Variants in ADAM10 observed in about 807,000 individuals in gnomAD.
ADAM10 encodes the protein disintegrin and metalloproteinase domain-containing protein 10.
In ADAM10, 17 loss-of-function variants were observed where a neutral mutation model predicts 90.1. The observed-to-expected ratio is 0.19, with a 90% confidence interval of 0.13 to 0.28. ADAM10 has a LOEUF of 0.28. Ranked by LOEUF, ADAM10 falls within the 10% of genes least tolerant of loss-of-function variation. The pLI, the probability that ADAM10 is intolerant of heterozygous loss-of-function variation, is 1.00. For synonymous variants in ADAM10, 310 were observed against 298.6 expected (o/e 1.04, Z -0.40); for missense variants, 610 against 914.3 (o/e 0.67, Z 4.29).
At chr15:58,715,996 T>G (rs1200121241) in intron 2 of ADAM10, among the ~76,000 whole-genome samples, 2 of 152,232 alleles carry the variant, frequency 1.3e-5, no homozygotes, top group Admixed American at 6.5e-5. Flanking sequence ...TGTAATTTCA[T>G]AGTACATAAA....
chr15:58,675,332 T>C (rs1566990276), intron 4 of ADAM10, among the ~76,000 whole-genome samples: 1 of 152,220 alleles, frequency 6.6e-6, no homozygotes. Flanking sequence ...GGAGATTAAG[T>C]ATTTCTCTAT....
intron 11 of ADAM10, among the ~76,000 whole-genome samples, chr15:58,617,500 C>T (rs1192587662): frequency 2.0e-5 from 3 of 152,040 alleles, no homozygotes; most frequent in South Asian, 2.1e-4. Flanking sequence ...AGAACTAGAA[C>T]AAGACAAGAA....
At chr15:58,641,161 G>A (rs1267043968) in intron 7 of ADAM10, among the ~76,000 whole-genome samples, 2 of 152,232 alleles carry the variant, frequency 1.3e-5, no homozygotes, top group East Asian at 3.9e-4. Context: ...AAATAAAAAA[G>A]AAAGGCTAGG....
At position 58,709,592 on chromosome 15, in the gene ADAM10, T is replaced by A. The variant is rs184394555; in HGVS notation, c.206+7985A>T. On this transcript the variant is annotated intron_variant, in intron 2 of 15. Coordinates refer to ENST00000260408, the MANE Select transcript of ADAM10 (RefSeq NM_001110.4). ...CCATCTCTACTAAAAATACAAAAAT[T>A]AGCCAGGTGTCGTGGTGCACACCTG... Among the ~76,000 whole-genome samples the A allele has an allele frequency of 5.1e-3, 772 of 151,890 alleles. 9 individuals are homozygous for A. Among genetic ancestry groups the A allele is most frequent in the African/African-American group, 0.015 (620 of 41,434 alleles).
intron 2 of ADAM10, among the ~76,000 whole-genome samples, chr15:58,710,764 C>A (rs1299079670): frequency 6.6e-6 from 1 of 152,124 alleles, no homozygotes; most frequent in Non-Finnish European, 1.5e-5. Context: ...AGTATTTTTA[C>A]ACCATTCAAA....
chr15:58,630,056 G>A (rs1896059760), intron 9 of ADAM10, among the ~76,000 whole-genome samples: 2 of 152,102 alleles, frequency 1.3e-5, no homozygotes, highest in African/African-American at 2.4e-5. Flanking sequence ...TTACAGGTGT[G>A]AGTCACCACA....
chr15:58,747,487 GTGC>G (rs1409974718), intron 1 of ADAM10: 4 of 152,152 alleles, frequency 2.6e-5, no homozygotes, highest in Non-Finnish European at 5.9e-5. Flanking sequence ...CAATCTCAAT[GTGC>G]TGAAGTCTAC....
intron 1 of ADAM10, among the ~76,000 whole-genome samples, chr15:58,727,955 C>G (rs1899094631): frequency 6.6e-6 from 1 of 152,032 alleles, no homozygotes; most frequent in South Asian, 2.1e-4. Context: ...GGAAATCATA[C>G]CACTCCTTTC....
Position 58,590,482 on chromosome 15 carries a change from G to A in ADAM10, c.*7065C>T, listed in dbSNP as rs1894802382. The A allele has an allele frequency of 6.6e-6, 1 of 152,214 alleles. No homozygotes were observed. The highest frequency in any genetic ancestry group is 1.5e-5 in the Non-Finnish European group (1 of 68,046). 9.4% of individuals were successfully genotyped at this position (152,214 alleles called of 1,614,324 possible). A position where few individuals can be genotyped will look rare whatever the true frequency, so the allele number is the denominator to read the frequency against. The stretch of plus-strand genomic sequence containing the variant: ...AACTGGTCAATGCATATCAGCAAAT[G>A]CATACCATAAAAGCCAAAGAATTTC... On this transcript the variant is annotated 3_prime_UTR_variant, in exon 16 of 16. Coordinates refer to ENST00000260408, the MANE Select transcript of ADAM10 (RefSeq NM_001110.4).
Position 58,627,778 on chromosome 15 carries a change from T to C in ADAM10, c.1282A>G (p.Asn428Asp). ...YARATSGDKL[N>D]NNKFSLCSIR... ...CTACAGAGTGAGAATTTATTGTTGT[T>C]AAGTTTGTCCCCAGATGTTGCTCTT... Residue 428 changes from asparagine (N) to aspartate (D), a missense_variant, in exon 10 of 16, where the codon AAC (asparagine) becomes GAC (aspartate). This residue lies in a region of ADAM10 where 97 missense variants were observed against 221.4 expected (regional missense o/e 0.44). Coordinates refer to ENST00000260408, the MANE Select transcript of ADAM10 (RefSeq NM_001110.4). The C allele has an allele frequency of 6.2e-7, 1 of 1,613,698 alleles. No individual in the cohort carries two copies. Among genetic ancestry groups the C allele is most frequent in the Non-Finnish European group, 8.5e-7 (1 of 1,179,718 alleles).
chr15:58,619,266 G>A (rs1895709259), intron 11 of ADAM10, among the ~76,000 whole-genome samples: 1 of 152,178 alleles, frequency 6.6e-6, no homozygotes. Flanking sequence ...ACTCATATGT[G>A]AGAGCAAAGT....
intron 2 of ADAM10, chr15:58,691,595 A>T (rs1295983267): frequency 6.3e-6 from 3 of 478,548 alleles, no homozygotes; most frequent in African/African-American, 5.9e-5. Context: ...ACGAGATTTT[A>T]GAGAATACCT....
chr15:58,688,541 A>T (rs1897673922), intron 2 of ADAM10, among the ~76,000 whole-genome samples: 2 of 151,906 alleles, frequency 1.3e-5, no homozygotes, highest in Admixed American at 1.3e-4. Flanking sequence ...AGTGAGAATG[A>T]ATGATAACGG....
At chr15:58,686,680 T>C in intron 2 of ADAM10, 1 of 691,798 alleles carries the variant, frequency 1.4e-6, no homozygotes. Flanking sequence ...ATGACTGCCT[T>C]CAAGTCTCAA....
At chr15:58,747,891 CAT>C (rs1248606236) in intron 1 of ADAM10, 5 of 152,138 alleles carry the variant, frequency 3.3e-5, no homozygotes, top group Non-Finnish European at 4.4e-5. Context: ...TAAAGTGCCT[CAT>C]GTGTTTGTCT....
At chr15:58,706,948 G>T (rs552405881) in intron 2 of ADAM10, among the ~76,000 whole-genome samples, 16 of 149,140 alleles carry the variant, frequency 1.1e-4, no homozygotes, top group African/African-American at 3.7e-4. Flanking sequence ...CACAGAGGTT[G>T]CAGTGAGCTG....
At chr15:58,722,228 G>C (rs922624580) in intron 1 of ADAM10, among the ~76,000 whole-genome samples, 16 of 151,952 alleles carry the variant, frequency 1.1e-4, no homozygotes, top group African/African-American at 3.9e-4. Context: ...TATAACACCA[G>C]CTACTCAAGA....
At position 58,655,677 on chromosome 15, in the gene ADAM10, C is replaced by T. The variant is rs184350981; in HGVS notation, c.585+9420G>A. Among the ~76,000 whole-genome samples, 296 of 72,348 alleles carry T rather than the reference C, an allele frequency of 4.1e-3. 11 individuals carry two copies. The highest frequency in any genetic ancestry group is 0.014 in the African/African-American group (194 of 13,850). 47.5% of individuals were successfully genotyped at this position (72,348 alleles called of 152,430 possible). On this transcript the variant is annotated intron_variant, in intron 5 of 15. Transcript: ENST00000260408. ...GCATACATACATACATACATACATA[C>T]ATATATATATTATATATAGTATATA...
intron 5 of ADAM10, among the ~76,000 whole-genome samples, chr15:58,647,346 C>G (rs916032020): frequency 7.1e-6 from 1 of 140,872 alleles, no homozygotes; most frequent in African/African-American, 2.6e-5. Flanking sequence ...CAGCAAGCTC[C>G]GCCTCCCGGG....
Sources: allele counts gnomAD v4.1 joint callset (sites outside exome capture counted in the v4.1 genomes callset), GRCh38; gene constraint gnomAD v4.1.1; regional missense constraint gnomAD v4.1.1; transcripts MANE v1.5; gene names NCBI Gene and HGNC (gene_info 2026-07-23, HGNC 2026-07-21).